The following POM121C variants were observed in gnomAD, a reference collection of about 807,000 sequenced individuals.
POM121C encodes POM121 transmembrane nucleoporin C, also known as nuclear envelope pore membrane protein POM 121C.
A neutral mutation model predicts 66.4 loss-of-function variants in POM121C; 20 were observed. The observed-to-expected ratio is 0.30, with a 90% confidence interval of 0.21 to 0.44. The LOEUF is 0.44. Among genes scored for constraint, POM121C ranks in the 20% least tolerant of loss-of-function variants. POM121C has a pLI of 1.00. For missense variants in POM121C, 580 were observed against 1,225.7 expected, an observed-to-expected ratio of 0.47 and a Z score of 7.87; for synonymous variants, 286 against 528.0, an observed-to-expected ratio of 0.54 and a Z score of 6.28.
Position 75,422,026 on chromosome 7 carries a change from AGTAGCC to A in POM121C, c.2220_2225del (p.Thr742_Ala743del). The stretch of plus-strand genomic sequence containing the variant: ...TGGACGCAGGTGCAGGTGTGGGTGC[AGTAGCC>A]GGGGCCGGGGCTGCAGAGTTTCCAA... On this transcript the variant is annotated inframe_deletion, in exon 13 of 15. Transcript: ENST00000615331. The A allele has an allele frequency of 1.2e-6, 2 of 1,613,560 alleles. No individual in the cohort carries two copies. Among genetic ancestry groups the A allele is most frequent in the Non-Finnish European group, 1.7e-6 (2 of 1,179,690 alleles).
At chr7:75,439,624 G>A (rs1156439624) in intron 5 of POM121C, among the ~76,000 whole-genome samples, 2 of 152,058 alleles carry the variant, frequency 1.3e-5, no homozygotes, top group Non-Finnish European at 2.9e-5. Flanking sequence ...GGGTTCCAGC[G>A]ATCCTCCCAC....
At chr7:75,449,617 G>A (rs767438087) in intron 3 of POM121C, among the ~76,000 whole-genome samples, 161 of 152,166 alleles carry the variant, frequency 1.1e-3, no homozygotes, top group Non-Finnish European at 1.9e-3. Flanking sequence ...CCACCCACCC[G>A]CAGCCTCCCA....
At chr7:75,434,582 CTTTTTTTTTT>C (rs34484961) in intron 7 of POM121C, among the ~76,000 whole-genome samples, 1 of 99,006 alleles carries the variant, frequency 1.0e-5, no homozygotes, top group Non-Finnish European at 2.1e-5. Flanking sequence ...GCTCAGCTAG[CTTTTTTTTTT>C]TTTTTTTTGA....
intron 13 of POM121C, chr7:75,421,246 G>T: frequency 3.7e-6 from 4 of 1,071,922 alleles, no homozygotes; most frequent in South Asian, 1.7e-5. Context: ...AAAATATTGG[G>T]ATTACAAGCA....
intron 14 of POM121C, 69 bp from the exon 15 acceptor site, chr7:75,418,962 C>G: frequency 1.3e-6 from 2 of 1,508,054 alleles, no homozygotes; most frequent in South Asian, 1.3e-5. Flanking sequence ...GTGCCCAAAT[C>G]TCTGGAAGGC....
At chr7:75,457,838 A>C (rs1301495522) in intron 3 of POM121C, among the ~76,000 whole-genome samples, 2 of 152,272 alleles carry the variant, frequency 1.3e-5, no homozygotes. Flanking sequence ...ATTCGGATTA[A>C]AGACAAGTTC....
At chr7:75,468,395 G>A (rs2116506380) in intron 3 of POM121C, among the ~76,000 whole-genome samples, 2 of 136,368 alleles carry the variant, frequency 1.5e-5, no homozygotes, top group Admixed American at 8.6e-5. Flanking sequence ...TCGGCTCACT[G>A]CAACCTCTAC....
intron 3 of POM121C, among the ~76,000 whole-genome samples, chr7:75,462,623 C>CCCT (rs1791481447): frequency 1.3e-5 from 2 of 151,916 alleles, no homozygotes; most frequent in African/African-American, 4.8e-5. Flanking sequence ...TTTGTTTTCC[C>CCCT]GTTCTCAGCT....
chr7:75,456,205 C>G lies in POM121C; in HGVS notation c.-151-14558G>C, dbSNP rs587723875. ...AGTGAGGTATGATCGCTCCACTGCA[C>G]TCCAGCCTGGGTGACAGAGTACAAC... On this transcript the variant is annotated intron_variant, in intron 3 of 14. Transcript: ENST00000615331. 4.0e-5 allele frequency among the ~76,000 whole-genome samples: 6 copies of G among 151,852 alleles called. No homozygotes were observed. In the South Asian group the frequency reaches 1.2e-3, roughly 31 times the overall value.
At chr7:75,433,792 AT>A (rs1790286080) in intron 7 of POM121C, among the ~76,000 whole-genome samples, 1 of 152,204 alleles carries the variant, frequency 6.6e-6, no homozygotes, top group Non-Finnish European at 1.5e-5. Flanking sequence ...TACATAGTAT[AT>A]TTCAACTTAC....
intron 3 of POM121C, among the ~76,000 whole-genome samples, chr7:75,463,121 G>A (rs1387762982): frequency 3.3e-5 from 5 of 152,082 alleles, no homozygotes; most frequent in Non-Finnish European, 7.3e-5. Flanking sequence ...CCAGGAGTTT[G>A]AGACCAGCCT....
chr7:75,454,984 C>T (rs1554476148), intron 3 of POM121C, among the ~76,000 whole-genome samples: 3 of 152,240 alleles, frequency 2.0e-5, no homozygotes, highest in Non-Finnish European at 4.4e-5. Context: ...TCCATAGTCA[C>T]ATCCAAGAGG....
At chr7:75,467,802 T>C (rs1554478072) in intron 3 of POM121C, among the ~76,000 whole-genome samples, 1 of 151,974 alleles carries the variant, frequency 6.6e-6, no homozygotes, top group African/African-American at 2.4e-5. Flanking sequence ...AGCACCTACC[T>C]ATGTGTGAGG....
intron 1 of POM121C, among the ~76,000 whole-genome samples, chr7:75,477,829 G>A (rs1472619637): frequency 1.3e-5 from 2 of 151,780 alleles, no homozygotes; most frequent in East Asian, 1.9e-4. Context: ...TCTGCCCTCA[G>A]GTGTGATAAA....
intron 3 of POM121C, among the ~76,000 whole-genome samples, chr7:75,467,253 CG>C (rs1339695850): frequency 1.3e-5 from 2 of 152,114 alleles, no homozygotes; most frequent in East Asian, 3.8e-4. Context: ...TGTAAAGCAC[CG>C]GGCGTGGTGG....
At chr7:75,475,904 T>C (rs1490532395) in intron 1 of POM121C, among the ~76,000 whole-genome samples, 2 of 151,934 alleles carry the variant, frequency 1.3e-5, no homozygotes, top group Non-Finnish European at 2.9e-5. Context: ...AAAGATGAAT[T>C]GTGTATTCTA....
At chr7:75,483,014 T>C (rs1554480356) in intron 1 of POM121C, among the ~76,000 whole-genome samples, 1 of 152,172 alleles carries the variant, frequency 6.6e-6, no homozygotes, top group East Asian at 1.9e-4. Flanking sequence ...TTTGTATTGT[T>C]TGCTGTGCAA....
intron 1 of POM121C, among the ~76,000 whole-genome samples, chr7:75,477,775 A>AAC (rs1554479599): frequency 1.3e-5 from 2 of 150,520 alleles, no homozygotes; most frequent in Non-Finnish European, 3.0e-5. Flanking sequence ...CAAAGAAAAT[A>AAC]ATATATATAT....
intron 13 of POM121C, chr7:75,420,608 CCTT>C (rs1554470471): frequency 1.3e-5 from 2 of 152,196 alleles, no homozygotes; most frequent in Non-Finnish European, 2.9e-5. Flanking sequence ...TCAAAAGACC[CCTT>C]TTTTATACAC....
Sources: gnomAD v4.1 joint callset for allele counts (sites outside exome capture counted in the v4.1 genomes callset) on GRCh38, gnomAD v4.1.1 for gene constraint, MANE v1.5 for transcripts, NCBI Gene and HGNC (gene_info 2026-07-23, HGNC 2026-07-21) for gene names.